Variants in UBE3D observed in about 807,000 individuals in gnomAD.
The protein encoded by UBE3D is ubiquitin protein ligase E3D.
In UBE3D, 48 loss-of-function variants were observed where a neutral mutation model predicts 49.6. The ratio of observed to expected loss-of-function variants is 0.97; its 90% CI spans 0.77 to 1.23. UBE3D has a LOEUF of 1.23. UBE3D is among the 50% of genes most tolerant of loss of function. The pLI, the probability that UBE3D is intolerant of heterozygous loss-of-function variation, is 0.00. For synonymous variants in UBE3D, 189 were observed against 174.2 expected, an observed-to-expected ratio of 1.08 and a Z score of -0.67; for missense variants, 452 against 468.4, an observed-to-expected ratio of 0.96 and a Z score of 0.32.
At chr6:82,917,501 G>A (rs1328325433) in intron 9 of UBE3D, among the ~76,000 whole-genome samples, 1 of 152,208 alleles carries the variant, frequency 6.6e-6, no homozygotes, top group African/African-American at 2.4e-5. Context: ...CGATAGGGAA[G>A]GAAAGAGGGC....
chr6:82,976,342 G>C (rs1464317014), intron 8 of UBE3D, among the ~76,000 whole-genome samples: 1 of 152,202 alleles, frequency 6.6e-6, no homozygotes, highest in Non-Finnish European at 1.5e-5. Flanking sequence ...TGTTTTAACA[G>C]TTGGGTTTTT....
intron 3 of UBE3D, 96 bp from the exon 4 acceptor site, chr6:83,044,755 C>T (rs1443204497): frequency 4.7e-6 from 5 of 1,057,734 alleles, no homozygotes; most frequent in African/African-American, 3.2e-5. Context: ...ACTCATTAAC[C>T]ACAAGGTTTG....
At chr6:83,018,295 C>G (rs1019126914) in intron 8 of UBE3D, 3 of 152,126 alleles carry the variant, frequency 2.0e-5, no homozygotes, top group African/African-American at 7.2e-5. Context: ...ATATGGCTCA[C>G]CACTTCACTT....
chr6:83,002,432 C>T (rs1012282886), intron 8 of UBE3D, among the ~76,000 whole-genome samples: 1 of 152,124 alleles, frequency 6.6e-6, no homozygotes, highest in Non-Finnish European at 1.5e-5. Context: ...CCCCTGTAAT[C>T]CCAGCACTTT....
At chr6:82,992,247 GA>G (rs1282738785) in intron 8 of UBE3D, among the ~76,000 whole-genome samples, 2 of 139,214 alleles carry the variant, frequency 1.4e-5, no homozygotes, top group South Asian at 2.3e-4. Context: ...TTTTGAGATG[GA>G]GTCTCGCTCT....
At chr6:83,062,351 T>C (rs1483890438) in intron 1 of UBE3D, among the ~76,000 whole-genome samples, 2 of 152,206 alleles carry the variant, frequency 1.3e-5, no homozygotes, top group Non-Finnish European at 2.9e-5. Flanking sequence ...CAGACTCTTT[T>C]TCACAACCCA....
At chr6:82,992,073 A>C (rs1373316294) in intron 8 of UBE3D, among the ~76,000 whole-genome samples, 1 of 152,172 alleles carries the variant, frequency 6.6e-6, no homozygotes, top group East Asian at 1.9e-4. Flanking sequence ...ATTCCAGCAC[A>C]AACATGCACA....
At chr6:83,021,281 A>C (rs563164070) in intron 7 of UBE3D, among the ~76,000 whole-genome samples, 6 of 152,204 alleles carry the variant, frequency 3.9e-5, no homozygotes, top group Non-Finnish European at 7.4e-5. Flanking sequence ...TCTTCACAAA[A>C]AATTTAAAAA....
intron 9 of UBE3D, among the ~76,000 whole-genome samples, chr6:82,924,405 C>G (rs1773593556): frequency 6.6e-6 from 1 of 152,054 alleles, no homozygotes; most frequent in Non-Finnish European, 1.5e-5. Flanking sequence ...AGCTTAAGGA[C>G]AAGAATCTTT....
chr6:83,022,642 G>T, intron 6 of UBE3D, 81 bp from the exon 7 acceptor site: 2 of 983,968 alleles, frequency 2.0e-6, no homozygotes, highest in Non-Finnish European at 2.9e-6. Context: ...ATACACACAC[G>T]GTACCTAAAA....
chr6:83,044,681 A>C, intron 3 of UBE3D, 22 bp from the exon 4 acceptor site: 1 of 1,568,066 alleles, frequency 6.4e-7, no homozygotes, highest in Non-Finnish European at 8.7e-7. Flanking sequence ...AGGAAAAATC[A>C]TTTTTCACAG....
At chr6:82,988,275 C>G (rs1377652413) in intron 8 of UBE3D, among the ~76,000 whole-genome samples, 1 of 152,064 alleles carries the variant, frequency 6.6e-6, no homozygotes, top group African/African-American at 2.4e-5. Context: ...ACCTACCTAC[C>G]TACCTATCAA....
At position 83,054,253 on chromosome 6, in the gene UBE3D, T is replaced by C. The variant is rs958770099; in HGVS notation, c.275-15A>G. The C allele has an allele frequency of 1.3e-6, 2 of 1,591,458 alleles. No homozygotes were observed. The highest frequency in any genetic ancestry group is 8.6e-7 in the Non-Finnish European group (1 of 1,159,710). ...TGAAATCAGTTCTAAAGGAAGTCAA[T>C]GAAATAGCTAATCTTAGAGATTGAA... On this transcript the variant is annotated splice_polypyrimidine_tract_variant and intron_variant, in intron 2 of 9. Coordinates refer to ENST00000369747, the MANE Select transcript of UBE3D (RefSeq NM_198920.3).
At chr6:82,973,609 C>T (rs1046718640) in intron 8 of UBE3D, among the ~76,000 whole-genome samples, 1 of 152,118 alleles carries the variant, frequency 6.6e-6, no homozygotes, top group Non-Finnish European at 1.5e-5. Context: ...AATGAGCTAT[C>T]TCTGATAGCT....
intron 7 of UBE3D, among the ~76,000 whole-genome samples, chr6:83,021,604 T>C (rs1422927667): frequency 6.6e-6 from 1 of 151,594 alleles, no homozygotes; most frequent in Non-Finnish European, 1.5e-5. Flanking sequence ...TGGTGGCTCA[T>C]GCCTGTAATC....
chr6:82,925,617 T>A (rs977731897), intron 9 of UBE3D, among the ~76,000 whole-genome samples: 3 of 152,128 alleles, frequency 2.0e-5, no homozygotes, highest in Non-Finnish European at 4.4e-5. Context: ...AATGTAGTGA[T>A]ATTTTCCTAA....
At chr6:83,056,055 G>C (rs956161670) in intron 2 of UBE3D, among the ~76,000 whole-genome samples, 1 of 152,138 alleles carries the variant, frequency 6.6e-6, no homozygotes, top group Non-Finnish European at 1.5e-5. Context: ...AAAGTGTAAA[G>C]AAATAGGAGA....
At chr6:82,942,839 G>C (rs1160473665) in intron 9 of UBE3D, among the ~76,000 whole-genome samples, 1 of 152,230 alleles carries the variant, frequency 6.6e-6, no homozygotes, top group African/African-American at 2.4e-5. Flanking sequence ...GAAATGTGGG[G>C]TCTGAGCCCC....
At chr6:82,973,416 T>C (rs1307087754) in intron 8 of UBE3D, among the ~76,000 whole-genome samples, 1 of 152,116 alleles carries the variant, frequency 6.6e-6, no homozygotes, top group Non-Finnish European at 1.5e-5. Flanking sequence ...AGGCATCTCC[T>C]CCCCGAAGAG....
Sources: allele counts gnomAD v4.1 joint callset (sites outside exome capture counted in the v4.1 genomes callset), GRCh38; gene constraint gnomAD v4.1.1; transcripts MANE v1.5; gene names NCBI Gene and HGNC (gene_info 2026-07-23, HGNC 2026-07-21).